HSPH1: variants seen among roughly 807,000 people sequenced by gnomAD.
HSPH1 encodes the protein heat shock protein family H (Hsp110) member 1.
Under a neutral mutation model 100.0 loss-of-function variants are expected in HSPH1, and 40 were observed. That is an observed-to-expected ratio of 0.40 (90% CI 0.31 to 0.52). The LOEUF (loss-of-function observed/expected upper bound fraction) is 0.52, where lower values mean the gene tolerates loss of function less well. Among genes scored for constraint, HSPH1 ranks in the 20% least tolerant of loss-of-function variants. The pLI is 0.54. For synonymous variants in HSPH1, 403 were observed against 344.0 expected (o/e 1.17, Z -1.90); for missense variants, 876 against 1,015.1 (o/e 0.86, Z 1.86).
Position 31,161,712 on chromosome 13 carries a change from G to C in HSPH1, c.-130C>G. The C allele has an allele frequency of 1.3e-6, 2 of 1,536,792 alleles. No individual in the cohort carries two copies. Among genetic ancestry groups the C allele is most frequent in the Non-Finnish European group, 1.7e-6 (2 of 1,147,614 alleles). On this transcript the variant is annotated 5_prime_UTR_variant, in exon 1 of 18. Coordinates refer to ENST00000320027, the MANE Select transcript of HSPH1 (RefSeq NM_006644.4). ...GCCCGCGGGGTCTGGCCGTTCCTCTGACACTCAGAAGGACACACAGACAGC... is the reference window on the plus strand; with the variant it reads ...GCCCGCGGGGTCTGGCCGTTCCTCTCACACTCAGAAGGACACACAGACAGC...
intron 14 of HSPH1, 108 bp downstream of exon 14, chr13:31,140,076 A>G: frequency 8.9e-7 from 1 of 1,124,474 alleles, no homozygotes; most frequent in Non-Finnish European, 1.2e-6. Flanking sequence ...CTGTTTCTAA[A>G]AAGTTTAAGT....
At chr13:31,157,247 G>T (rs1250644431) in intron 2 of HSPH1, among the ~76,000 whole-genome samples, 2 of 152,176 alleles carry the variant, frequency 1.3e-5, no homozygotes, top group Non-Finnish European at 2.9e-5. Context: ...GGATGCAACA[G>T]AATTTTAGGT....
intron 12 of HSPH1, among the ~76,000 whole-genome samples, chr13:31,142,384 T>C (rs1956127730): frequency 6.6e-6 from 1 of 152,034 alleles, no homozygotes; most frequent in Non-Finnish European, 1.5e-5. Context: ...ACGGATGAGC[T>C]AGGCAGTCAG....
In HSPH1 at chr13:31,143,937, C is replaced by T; in HGVS notation, c.1585-14G>A. ...CTGGACATTTTTCTGAAATGAAAGC[C>T]CAGGCACAAAGGATGTAGAAAGCAG... On this transcript the variant is annotated splice_polypyrimidine_tract_variant and intron_variant, in intron 11 of 17. Transcript: ENST00000320027. The T allele has an allele frequency of 6.3e-7, 1 of 1,575,938 alleles. No homozygotes were observed. The highest frequency in any genetic ancestry group is 8.6e-7 in the Non-Finnish European group (1 of 1,160,300).
chr13:31,148,391 A>C lies in HSPH1; in HGVS notation c.1227T>G (p.Asp409Glu). 6.4e-7 allele frequency: 1 copy of C among 1,567,970 alleles called. No homozygotes were observed. The highest frequency in any genetic ancestry group is 1.2e-5 in the South Asian group (1 of 86,684). ...CTACATACCCTTCAGTATCTTCTGAATCATGGTTCCAGATCAGAGATATTG... is the reference window on the plus strand; with the variant it reads ...CTACATACCCTTCAGTATCTTCTGACTCATGGTTCCAGATCAGAGATATTG... ...PFPISLIWNH[D>E]SEDTEGVHEV... Residue 409 changes from aspartate (D) to glutamate (E), a missense_variant, in exon 9 of 18, where the codon GAT (aspartate) becomes GAG (glutamate). By Grantham distance (45) the Asp-to-Glu change is conservative. Coordinates refer to ENST00000320027, the MANE Select transcript of HSPH1 (RefSeq NM_006644.4).
In HSPH1 at chr13:31,135,364, G is replaced by A. The variant is rs1282400218; in HGVS notation, c.*1954C>T. 1.3e-5 allele frequency: 2 copies of A among 152,162 alleles called. No individual in the cohort carries two copies. The highest frequency in any genetic ancestry group is 2.1e-4 in the South Asian group (1 of 4,824). The allele number at this position is 152,162 out of a possible 1,614,324, so 9.4% of individuals were successfully genotyped here. The stretch of plus-strand genomic sequence containing the variant: ...TATCTTCACTTCTCAATGTGTAAAT[G>A]TGTATCTACTAAGTATACATTAATG... On this transcript the variant is annotated 3_prime_UTR_variant, in exon 18 of 18. Coordinates refer to ENST00000320027, the MANE Select transcript of HSPH1 (RefSeq NM_006644.4).
intron 6 of HSPH1, 158 bp from the exon 7 acceptor site, chr13:31,151,349 A>G (rs995991342): frequency 4.0e-6 from 3 of 759,214 alleles, no homozygotes; most frequent in East Asian, 2.8e-5. Flanking sequence ...AATCTCTAAG[A>G]TATTTTTGAC....
At position 31,137,050 on chromosome 13, in the gene HSPH1, C is replaced by G. The variant is rs1955903341; in HGVS notation, c.*268G>C. The G allele has an allele frequency of 5.0e-6, 3 of 595,670 alleles. No individual in the cohort carries two copies. The highest frequency in any genetic ancestry group is 1.9e-5 in the African/African-American group (1 of 53,476). 36.9% of individuals were successfully genotyped at this position (595,670 alleles called of 1,614,324 possible). A position where few individuals can be genotyped will look rare whatever the true frequency, so the allele number is the denominator to read the frequency against. On this transcript the variant is annotated 3_prime_UTR_variant, in exon 18 of 18. Transcript: ENST00000320027. Reference sequence around the variant, plus strand: ...TTCTCCAAAAGACAAAAGTCAGTTTCATCCTCAGTGATGCAAATGGTGAGA... The same window carrying G: ...TTCTCCAAAAGACAAAAGTCAGTTTGATCCTCAGTGATGCAAATGGTGAGA...
intron 15 of HSPH1, 22 bp from the exon 16 acceptor site, chr13:31,138,922 TAATA>T (rs1955983020): frequency 1.3e-6 from 2 of 1,578,482 alleles, no homozygotes; most frequent in African/African-American, 1.4e-5. Context: ...TGTAATAAAT[TAATA>T]GTTATCATAA....
rs777249109 is a variant in HSPH1, at chr13:31,141,267, A to G, written c.1717-8T>C. ...AACTTTTTTTTCATTTGCCTTGGGA[A>G]GAGGAATAAAAAAAGGAAAAAATTT... is the stretch of plus-strand genomic sequence containing the variant. On this transcript the variant is annotated splice_region_variant and splice_polypyrimidine_tract_variant and intron_variant, in intron 12 of 17. Transcript: ENST00000320027. 1 of 1,583,658 alleles carries G rather than the reference A, an allele frequency of 6.3e-7. No homozygotes were observed. Among genetic ancestry groups the G allele is most frequent in the Non-Finnish European group, 8.6e-7 (1 of 1,169,026 alleles).
chr13:31,138,690 G>C, intron 16 of HSPH1, 91 bp downstream of exon 16: 1 of 1,534,854 alleles, frequency 6.5e-7, no homozygotes, highest in Non-Finnish European at 8.8e-7. Context: ...AAATTTCAAA[G>C]TTAAGACTAT....
intron 5 of HSPH1, chr13:31,152,288 T>C (rs1213358822): frequency 6.6e-6 from 1 of 152,454 alleles, no homozygotes; most frequent in East Asian, 1.9e-4. Flanking sequence ...TGAGTAAAAC[T>C]TTTCAGCATA....
intron 3 of HSPH1, 62 bp downstream of exon 3, chr13:31,155,448 CAAAT>C (rs1956649546): frequency 5.4e-6 from 7 of 1,304,200 alleles, no homozygotes; most frequent in African/African-American, 3.0e-5. Context: ...AGTAATAACT[CAAAT>C]AAGTTCGTAT....
intron 11 of HSPH1, among the ~76,000 whole-genome samples, chr13:31,144,424 C>T (rs1300823096): frequency 6.6e-6 from 1 of 152,156 alleles, no homozygotes; most frequent in Non-Finnish European, 1.5e-5. Flanking sequence ...ACAGCCAAGA[C>T]TCACTCTGTC....
intron 10 of HSPH1, among the ~76,000 whole-genome samples, chr13:31,146,216 G>A (rs1329930532): frequency 6.6e-6 from 1 of 152,086 alleles, no homozygotes; most frequent in East Asian, 1.9e-4. Context: ...CTTGAGAACT[G>A]CTATTGTAAA....
intron 16 of HSPH1, 37 bp from the exon 17 acceptor site, chr13:31,138,605 T>C (rs538177294): frequency 1.3e-6 from 2 of 1,580,478 alleles, no homozygotes; most frequent in Non-Finnish European, 1.7e-6. Flanking sequence ...GTAGAATTTA[T>C]TGAACAATAG....
intron 13 of HSPH1, 196 bp downstream of exon 13, chr13:31,140,926 A>G (rs531549492): frequency 9.3e-5 from 37 of 398,280 alleles, no homozygotes; most frequent in Non-Finnish European, 1.5e-4. Flanking sequence ...CAATCATGTT[A>G]TATCAAGCAG....
intron 10 of HSPH1, among the ~76,000 whole-genome samples, chr13:31,147,188 A>G (rs1333962160): frequency 1.3e-5 from 2 of 152,202 alleles, no homozygotes; most frequent in African/African-American, 4.8e-5. Context: ...ACAGATTCCA[A>G]TTTATCAAAA....
chr13:31,146,649 A>C (rs1463888040), intron 10 of HSPH1, among the ~76,000 whole-genome samples: 1 of 152,314 alleles, frequency 6.6e-6, no homozygotes, highest in East Asian at 1.9e-4. Context: ...GGGTTCCAGA[A>C]CATTACTAAT....
Sources: allele counts gnomAD v4.1 joint callset (sites outside exome capture counted in the v4.1 genomes callset), GRCh38; gene constraint gnomAD v4.1.1; transcripts MANE v1.5; gene names NCBI Gene and HGNC (gene_info 2026-07-23, HGNC 2026-07-21).